Variants in OSBPL10 observed in about 807,000 individuals in gnomAD.
OSBPL10 encodes the protein oxysterol-binding protein-related protein 10.
In OSBPL10, 49 loss-of-function variants were observed where a neutral mutation model predicts 81.7. The observed-to-expected ratio is 0.60, with a 90% CI of 0.48 to 0.76. The LOEUF (loss-of-function observed/expected upper bound fraction) is 0.76, where lower values mean the gene tolerates loss of function less well. Ranked by LOEUF, OSBPL10 falls within the 30% of genes least tolerant of loss-of-function variation. OSBPL10 has a pLI of 0.00. For missense variants in OSBPL10, 923 were observed against 987.8 expected (o/e 0.93, Z 0.88); for synonymous variants, 419 against 383.6 (o/e 1.09, Z -1.08).
intron 1 of OSBPL10, among the ~76,000 whole-genome samples, chr3:31,975,325 C>A (rs1698666200): frequency 6.6e-6 from 1 of 152,156 alleles, no homozygotes; most frequent in African/African-American, 2.4e-5. Flanking sequence ...GACAAGAATA[C>A]AAAACCCAGA....
At chr3:31,886,958 C>T (rs542983902) in intron 1 of OSBPL10, among the ~76,000 whole-genome samples, 16 of 151,740 alleles carry the variant, frequency 1.1e-4, no homozygotes, top group African/African-American at 3.6e-4. Context: ...AAAGAAAACC[C>T]TTCTCCATGT....
upstream of OSBPL10, chr3:31,981,783 G>C (rs58075697): frequency 0.091 from 13,899 of 152,218 alleles, 1,114 homozygotes; most frequent in East Asian, 0.47. This position sits in a 1 kb window ranked among gnomAD's most constrained non-coding sequence, Gnocchi z 4.5. Context: ...CGCACACGAT[G>C]CTGCGCCAGA....
intron 2 of OSBPL10, among the ~76,000 whole-genome samples, chr3:32,008,064 T>G (rs116607705): frequency 0.015 from 2,355 of 152,146 alleles, 58 homozygotes; most frequent in African/African-American, 0.054. Flanking sequence ...CATGTACAGG[T>G]TCCAGGGATT....
intron 1 of OSBPL10, among the ~76,000 whole-genome samples, chr3:31,892,736 C>T (rs534578795): frequency 8.5e-4 from 129 of 152,210 alleles, no homozygotes; most frequent in Non-Finnish European, 1.5e-3. Flanking sequence ...AGGGTGAGGG[C>T]AATTGCTCAC....
At chr3:31,752,298 AAAAC>A (rs1445843274) in intron 4 of OSBPL10, among the ~76,000 whole-genome samples, 1 of 152,224 alleles carries the variant, frequency 6.6e-6, no homozygotes, top group Non-Finnish European at 1.5e-5. Flanking sequence ...TGATTGTTTA[AAAAC>A]AAACAAACAA....
chr3:31,883,023 C>T (rs1695632814), intron 1 of OSBPL10, among the ~76,000 whole-genome samples: 1 of 152,196 alleles, frequency 6.6e-6, no homozygotes, highest in South Asian at 2.1e-4. Context: ...TAAGTGCTGA[C>T]TGCCTTGAGG....
chr3:31,809,097 A>G (rs1358200476), intron 4 of OSBPL10, among the ~76,000 whole-genome samples: 1 of 152,268 alleles, frequency 6.6e-6, no homozygotes, highest in Non-Finnish European at 1.5e-5. Flanking sequence ...TATTTTAGAC[A>G]TACTAGCCAA....
At chr3:31,700,233 G>A (rs1345198331) in intron 7 of OSBPL10, 2 of 152,200 alleles carry the variant, frequency 1.3e-5, no homozygotes, top group Admixed American at 6.5e-5. Context: ...GCTCTTTCAA[G>A]AAGAGGCTGT....
At chr3:31,841,623 A>G (rs1700500683) in intron 3 of OSBPL10, among the ~76,000 whole-genome samples, 2 of 152,340 alleles carry the variant, frequency 1.3e-5, no homozygotes, top group South Asian at 2.1e-4. Context: ...AATATCCTCA[A>G]TTTAACCAAC....
rs990077571 is a variant in OSBPL10 at position 31,730,166 on chromosome 3, C to A, written c.1095+3091G>T. Reference sequence around the variant, plus strand: ...GATCATGCTGACCAACATGGTGAAACCCCGTCTCTACTAAAGATACAAAAA... The same window carrying A: ...GATCATGCTGACCAACATGGTGAAAACCCGTCTCTACTAAAGATACAAAAA... On this transcript the variant is annotated intron_variant, in intron 6 of 11. Coordinates refer to ENST00000396556, the MANE Select transcript of OSBPL10 (RefSeq NM_017784.5). Among the ~76,000 whole-genome samples the A allele has an allele frequency of 4.6e-5, 7 of 152,182 alleles. 2 individuals are homozygous for A. The highest frequency in any genetic ancestry group is 2.0e-4 in the Admixed American group (3 of 15,288).
chr3:31,741,288 C>T (rs892814906), intron 5 of OSBPL10, among the ~76,000 whole-genome samples: 20 of 152,234 alleles, frequency 1.3e-4, no homozygotes, highest in African/African-American at 3.1e-4. Flanking sequence ...TTTTTTGAGA[C>T]GGAGTCTCGC....
intron 2 of OSBPL10, among the ~76,000 whole-genome samples, chr3:32,032,525 G>C (rs1699482796): frequency 6.6e-6 from 1 of 152,104 alleles, no homozygotes; most frequent in African/African-American, 2.4e-5. Context: ...TTAGGACTAA[G>C]TTCCTTCTTG....
intron 1 of OSBPL10, among the ~76,000 whole-genome samples, chr3:32,068,434 A>G (rs887950401): frequency 6.6e-6 from 1 of 151,458 alleles, no homozygotes; most frequent in East Asian, 2.0e-4. Flanking sequence ...CCGTGTCTCT[A>G]CCCTTCTCTT....
intron 2 of OSBPL10, chr3:31,991,237 G>A: frequency 7.2e-6 from 3 of 419,368 alleles, no homozygotes; most frequent in Non-Finnish European, 1.3e-5. Context: ...CTTGAGGTCA[G>A]GAGTTTGAGA....
intron 4 of OSBPL10, among the ~76,000 whole-genome samples, chr3:31,767,584 G>GTC (rs3038197): frequency 0.6 from 90,828 of 151,424 alleles, 31,304 homozygotes; most frequent in East Asian, 0.81. Context: ...AAGTCCCCGT[G>GTC]CCCCAAGTCT....
intron 1 of OSBPL10, among the ~76,000 whole-genome samples, chr3:31,900,896 T>C (rs1012282715): frequency 6.6e-6 from 1 of 152,210 alleles, no homozygotes; most frequent in African/African-American, 2.4e-5. Flanking sequence ...TGGTTTCAGA[T>C]AGTCTTCATT....
intron 1 of OSBPL10, among the ~76,000 whole-genome samples, chr3:31,979,302 CTAACATAG>C (rs1175429419): frequency 6.6e-6 from 1 of 152,182 alleles, no homozygotes; most frequent in Non-Finnish European, 1.5e-5. Flanking sequence ...GCAACTTCCA[CTAACATAG>C]TAACACATCT....
At chr3:31,856,374 C>G (rs1439769743) in intron 3 of OSBPL10, among the ~76,000 whole-genome samples, 1 of 152,044 alleles carries the variant, frequency 6.6e-6, no homozygotes, top group Non-Finnish European at 1.5e-5. Flanking sequence ...TTTAAGTACC[C>G]AAAAAGTAAT....
intron 3 of OSBPL10, among the ~76,000 whole-genome samples, chr3:31,861,797 A>G (rs555757128): frequency 6.6e-6 from 1 of 152,166 alleles, no homozygotes; most frequent in Non-Finnish European, 1.5e-5. Flanking sequence ...TCTGGGTGGC[A>G]TCACCTCGGG....
Sources: allele counts gnomAD v4.1 joint callset (sites outside exome capture counted in the v4.1 genomes callset), GRCh38; gene constraint gnomAD v4.1.1; non-coding constraint Gnocchi (gnomAD v3.1); transcripts MANE v1.5; gene names NCBI Gene and HGNC (gene_info 2026-07-23, HGNC 2026-07-21).